The following GRIK2 variants were observed in gnomAD, a reference collection of about 807,000 sequenced individuals.
The protein encoded by GRIK2 is glutamate receptor ionotropic, kainate 2.
GRIK2 carries 32 observed loss-of-function variants against 100.3 expected under a neutral mutation model. That is an observed-to-expected ratio of 0.32 (90% CI 0.24 to 0.43). The LOEUF is 0.43. Ranked by LOEUF, GRIK2 falls within the 20% of genes least tolerant of loss-of-function variation. The pLI is 1.00. For missense variants in GRIK2, 843 were observed against 1,114.9 expected, an observed-to-expected ratio of 0.76 and a Z score of 3.47; for synonymous variants, 417 against 389.4, an observed-to-expected ratio of 1.07 and a Z score of -0.83.
intron 14 of GRIK2, among the ~76,000 whole-genome samples, chr6:102,029,198 T>C (rs1040332804): frequency 2.6e-5 from 4 of 151,168 alleles, no homozygotes; most frequent in Non-Finnish European, 5.9e-5. Context: ...ACATTTTGGC[T>C]GATCAGCTTA....
intron 7 of GRIK2, among the ~76,000 whole-genome samples, chr6:101,725,973 A>AT (rs960284562): frequency 1.3e-5 from 2 of 151,908 alleles, no homozygotes; most frequent in Admixed American, 6.6e-5. Flanking sequence ...GTTTATAACA[A>AT]TTTTTTTCTA....
intron 7 of GRIK2, among the ~76,000 whole-genome samples, chr6:101,790,072 G>A (rs139727902): frequency 0.11 from 16,978 of 152,186 alleles, 2,077 homozygotes; most frequent in East Asian, 0.67. Flanking sequence ...CTGAGACTTT[G>A]CTGAAGTTGC....
Position 101,766,678 on chromosome 6 carries a change from C to T in GRIK2, c.952-32970C>T, listed in dbSNP as rs536580792. ...CTGAAGTTGAGCTTCCTACTCACAA[C>T]TCTGCTCAAGACAGAAAGAAAGCAT... On this transcript the variant is annotated intron_variant, in intron 7 of 16. Transcript: ENST00000369134. Among the ~76,000 whole-genome samples, 604 of 152,242 alleles carry T rather than the reference C, an allele frequency of 4.0e-3. 3 individuals carry two copies. Among genetic ancestry groups the T allele is most frequent in the Non-Finnish European group, 6.7e-3 (459 of 68,000 alleles).
intron 7 of GRIK2, among the ~76,000 whole-genome samples, chr6:101,731,776 G>A (rs913758028): frequency 6.6e-6 from 1 of 151,922 alleles, no homozygotes; most frequent in African/African-American, 2.4e-5. Flanking sequence ...GAGTATGAAA[G>A]TCACTTAAAA....
At chr6:101,625,904 T>G (rs1742968310) in intron 3 of GRIK2, among the ~76,000 whole-genome samples, 1 of 152,086 alleles carries the variant, frequency 6.6e-6, no homozygotes, top group South Asian at 2.1e-4. Flanking sequence ...TAACCCGACA[T>G]GTATCATCAG....
At chr6:102,025,914 TCTAA>T (rs1769672987) in intron 14 of GRIK2, among the ~76,000 whole-genome samples, 1 of 150,704 alleles carries the variant, frequency 6.6e-6, no homozygotes, top group Non-Finnish European at 1.5e-5. Flanking sequence ...CTTTTGTGCC[TCTAA>T]GTCTCCTCAC....
At chr6:101,962,995 T>G (rs1792399581) in intron 14 of GRIK2, among the ~76,000 whole-genome samples, 1 of 151,740 alleles carries the variant, frequency 6.6e-6, no homozygotes, top group Admixed American at 6.6e-5. Context: ...TTTTTATTTT[T>G]AATCCAGTGT....
intron 14 of GRIK2, among the ~76,000 whole-genome samples, chr6:101,981,599 A>T (rs2128489458): frequency 6.6e-6 from 1 of 152,060 alleles, no homozygotes; most frequent in Admixed American, 6.6e-5. Flanking sequence ...AAGTTAGTAC[A>T]ACGATGACGC....
chr6:101,977,347 T>A (rs566773656), intron 14 of GRIK2, among the ~76,000 whole-genome samples: 8 of 151,696 alleles, frequency 5.3e-5, no homozygotes. Context: ...TTGGGAACTA[T>A]CTATGGGGGA....
intron 14 of GRIK2, among the ~76,000 whole-genome samples, chr6:102,010,406 CAG>C (rs973160384): frequency 6.0e-5 from 9 of 149,500 alleles, no homozygotes; most frequent in Non-Finnish European, 1.3e-4. Flanking sequence ...TCTTTTGAGA[CAG>C]AGTCTCACTC....
chr6:101,820,242 G>A lies in GRIK2; in HGVS notation c.1317+1759G>A, dbSNP rs150850788. Among the ~76,000 whole-genome samples the A allele has an allele frequency of 1.1e-4, 17 of 151,544 alleles. No homozygotes were observed. In the East Asian group the frequency reaches 2.7e-3, roughly 24 times the overall value. On this transcript the variant is annotated intron_variant, in intron 10 of 16. Transcript: ENST00000369134. ...CCCAAATATCACTAAACATTCCTTG[G>A]AGGAATAGAATTAGATTATGTCTTC...
intron 12 of GRIK2, among the ~76,000 whole-genome samples, chr6:101,902,513 A>T (rs549837744): frequency 2.0e-5 from 3 of 151,952 alleles, no homozygotes; most frequent in Non-Finnish European, 4.4e-5. Flanking sequence ...ATAAGTTTAT[A>T]CCTAAACAAT....
intron 14 of GRIK2, among the ~76,000 whole-genome samples, chr6:102,001,191 T>G (rs1039909445): frequency 6.6e-6 from 1 of 151,944 alleles, no homozygotes; most frequent in Non-Finnish European, 1.5e-5. Flanking sequence ...CTTTATTTTT[T>G]TTTTTTTTTC....
intron 14 of GRIK2, among the ~76,000 whole-genome samples, chr6:101,935,603 ATGG>A (rs1372859397): frequency 1.3e-5 from 2 of 151,928 alleles, no homozygotes; most frequent in Non-Finnish European, 2.9e-5. Flanking sequence ...TATTAAGGAC[ATGG>A]TATTAATTGG....
intron 7 of GRIK2, among the ~76,000 whole-genome samples, chr6:101,787,014 T>C (rs1779468829): frequency 6.6e-6 from 1 of 152,064 alleles, no homozygotes. Flanking sequence ...GCCTGTTCAG[T>C]TTTTCTACTT....
chr6:101,541,111 A>G (rs1328995017), intron 2 of GRIK2, among the ~76,000 whole-genome samples: 1 of 151,948 alleles, frequency 6.6e-6, no homozygotes, highest in Admixed American at 6.6e-5. Context: ...AAACACTTCT[A>G]TTGCTACATG....
At chr6:101,924,833 A>G in intron 13 of GRIK2, 114 bp downstream of exon 13, 1 of 676,292 alleles carries the variant, frequency 1.5e-6, no homozygotes, top group Non-Finnish European at 2.7e-6. Context: ...ATGTAACCAT[A>G]ATCCAGCTTT....
chr6:101,566,495 G>T (rs796461371), intron 2 of GRIK2, among the ~76,000 whole-genome samples: 1 of 127,990 alleles, frequency 7.8e-6, no homozygotes, highest in Non-Finnish European at 1.5e-5. Flanking sequence ...ATTTAAAAAA[G>T]AGTCTTGCCT....
At chr6:101,836,619 TTATA>T (rs1562426735) in intron 10 of GRIK2, among the ~76,000 whole-genome samples, 1 of 135,112 alleles carries the variant, frequency 7.4e-6, no homozygotes, top group South Asian at 2.3e-4. Flanking sequence ...ATATATATAG[TTATA>T]TATATATATA....
Sources: allele counts gnomAD v4.1 joint callset (sites outside exome capture counted in the v4.1 genomes callset), GRCh38; gene constraint gnomAD v4.1.1; transcripts MANE v1.5; gene names NCBI Gene and HGNC (gene_info 2026-07-23, HGNC 2026-07-21).